Variants in HECTD4 observed in about 807,000 individuals in gnomAD.
The protein encoded by HECTD4 is probable E3 ubiquitin-protein ligase HECTD4.
Under a neutral mutation model 471.5 loss-of-function variants are expected in HECTD4, and 114 were observed. That is an observed-to-expected ratio of 0.24 (90% CI 0.21 to 0.28). The LOEUF is 0.28. HECTD4 is among the 10% of genes least tolerant of loss of function. The probability of loss-of-function intolerance (pLI) is 1.00; values close to 1 mark genes in which losing one functional copy is unlikely to be tolerated. For synonymous variants in HECTD4, 2,012 were observed against 2,256.0 expected (o/e 0.89, Z 3.07); for missense variants, 3,866 against 5,651.5 (o/e 0.68, Z 10.13).
chr12:112,211,636 T>C (rs1593934597), intron 49 of HECTD4, among the ~76,000 whole-genome samples: 1 of 149,136 alleles, frequency 6.7e-6, no homozygotes, highest in Non-Finnish European at 1.5e-5. Flanking sequence ...CAGGGCCGGG[T>C]TGTTGATGGA....
chr12:112,240,163 A>G (rs1593965419), intron 32 of HECTD4, 136 bp from the exon 33 acceptor site: 6 of 912,566 alleles, frequency 6.6e-6, no homozygotes, highest in East Asian at 2.5e-5. Context: ...CATCCAGCTC[A>G]GTGTTTCCTA....
chr12:112,374,439 G>A (rs1295775580), intron 1 of HECTD4, among the ~76,000 whole-genome samples: 1 of 152,198 alleles, frequency 6.6e-6, no homozygotes, highest in Non-Finnish European at 1.5e-5. Flanking sequence ...TTAACTTCAA[G>A]GCAATACTGT....
chr12:112,254,214 A>G (rs780214630), intron 21 of HECTD4, 52 bp from the exon 22 acceptor site: 54 of 1,593,178 alleles, frequency 3.4e-5, no homozygotes, highest in Non-Finnish European at 4.3e-5. Context: ...CAAAAACAAC[A>G]TCTACAAATA....
intron 1 of HECTD4, among the ~76,000 whole-genome samples, chr12:112,347,455 A>C (rs1452767682): frequency 1.3e-5 from 2 of 152,200 alleles, no homozygotes; most frequent in African/African-American, 2.4e-5. Context: ...GGTTGCAGTG[A>C]GCCAAGATTG....
chr12:112,212,788 GTTATTTATTTAT>G (rs150125929), intron 48 of HECTD4, 138 bp from the exon 49 acceptor site: 10 of 610,518 alleles, frequency 1.6e-5, no homozygotes, highest in Admixed American at 3.8e-5. Context: ...TGAAGTTATT[GTTATTTATTTAT>G]TTATTTATTT....
chr12:112,265,410 G>T (rs2034246815), intron 15 of HECTD4, 115 bp from the exon 16 acceptor site: 7 of 668,822 alleles, frequency 1.0e-5, no homozygotes, highest in Non-Finnish European at 1.4e-5. Flanking sequence ...TGATTCTTAA[G>T]CAAATCACCT....
At chr12:112,171,398 A>C in intron 67 of HECTD4, 135 bp from the exon 68 acceptor site, 1 of 1,407,032 alleles carries the variant, frequency 7.1e-7, no homozygotes, top group Non-Finnish European at 9.6e-7. Flanking sequence ...AGATGCTGTC[A>C]GTGAGTGAGC....
intron 20 of HECTD4, among the ~76,000 whole-genome samples, chr12:112,258,190 GAA>G (rs71920161): frequency 1.6e-4 from 20 of 128,268 alleles, no homozygotes; most frequent in East Asian, 2.0e-4. Context: ...CTCCATCTCA[GAA>G]AAAAAAAAAA....
At chr12:112,375,237 T>C (rs1369625216) in intron 1 of HECTD4, among the ~76,000 whole-genome samples, 1 of 152,256 alleles carries the variant, frequency 6.6e-6, no homozygotes, top group Admixed American at 6.5e-5. Flanking sequence ...CATTCGTTTT[T>C]GTTGCTGAGT....
rs774465684 is a variant in HECTD4 at position 112,185,211 on chromosome 12, G to A, written c.9755C>T (p.Thr3252Met). 2.3e-5 allele frequency: 36 copies of A among 1,551,308 alleles called. No homozygotes were observed. The highest frequency in any genetic ancestry group is 2.9e-5 in the Non-Finnish European group (33 of 1,147,038). The part of the protein sequence containing the change: ...AAAGDQGRFS[T>M]YFHALMEGCL... ...CCCTTCCATGAGTGCATGAAAATACGTAGAGAACCTGCCCTGGTCACCGGC... is the reference window on the plus strand; with the variant it reads ...CCCTTCCATGAGTGCATGAAAATACATAGAGAACCTGCCCTGGTCACCGGC... The change falls in exon 61 of 76, where the codon ACG becomes ATG. Residue 3252 changes from threonine to methionine, a missense_variant. Around this residue, in one of 16 missense-constraint regions of HECTD4, gnomAD observed 364 missense variants for 413.2 expected, o/e 0.88. Coordinates refer to ENST00000682272, the MANE Select transcript of HECTD4 (RefSeq NM_001388303.1).
intron 1 of HECTD4, among the ~76,000 whole-genome samples, chr12:112,378,256 T>C (rs181784268): frequency 1.3e-5 from 2 of 152,278 alleles, no homozygotes; most frequent in Admixed American, 1.3e-4. Flanking sequence ...TCTCGCTATG[T>C]TGCCCAGGCT....
At chr12:112,264,408 C>T (rs540532766) in intron 16 of HECTD4, among the ~76,000 whole-genome samples, 196 bp from the exon 17 acceptor site, 2 of 152,232 alleles carry the variant, frequency 1.3e-5, no homozygotes, top group East Asian at 3.9e-4. Context: ...TAACTTTCTG[C>T]CTTTTGGTAC....
chr12:112,296,538 G>A (rs1379645555), intron 7 of HECTD4, among the ~76,000 whole-genome samples: 5 of 151,360 alleles, frequency 3.3e-5, no homozygotes, highest in African/African-American at 7.3e-5. Flanking sequence ...GTGGATGTAG[G>A]TGCATTGGAC....
intron 15 of HECTD4, among the ~76,000 whole-genome samples, chr12:112,265,574 T>G (rs2034250007): frequency 2.0e-5 from 3 of 152,204 alleles, no homozygotes; most frequent in Non-Finnish European, 4.4e-5. Context: ...TCAGCCTTTC[T>G]CATAAACCAG....
In HECTD4 at chr12:112,270,413, G is replaced by A. The variant is rs1045753377; in HGVS notation, c.1989C>T (p.His663=). The A allele has an allele frequency of 5.0e-6, 8 of 1,613,906 alleles. No individual in the cohort carries two copies. Among genetic ancestry groups the A allele is most frequent in the South Asian group, 3.3e-5 (3 of 91,094 alleles). The change falls in exon 12 of 76, where the codon CAC becomes CAT. Residue 663 remains histidine (H), a synonymous_variant. Transcript: ENST00000682272. ...GTTGGTGTATGCACATCGCACCAAC[G>A]TGGTGCAATAATTGGTTTATAACCT... ...TNEVINQLLH[H]VGAMCIHQLN... is the part of the protein sequence containing the mutation.
chr12:112,267,651 A>G (rs1292072754), intron 13 of HECTD4, among the ~76,000 whole-genome samples: 1 of 152,228 alleles, frequency 6.6e-6, no homozygotes, highest in Non-Finnish European at 1.5e-5. Flanking sequence ...ATGAAAAGTC[A>G]ATGTAGTCAA....
intron 19 of HECTD4, 156 bp from the exon 20 acceptor site, chr12:112,258,752 A>T: frequency 1.7e-6 from 1 of 598,740 alleles, no homozygotes; most frequent in South Asian, 2.4e-5. Flanking sequence ...ACCACTTAAC[A>T]TTATTTTACT....
chr12:112,379,840 CAA>C (rs891998344), intron 1 of HECTD4, among the ~76,000 whole-genome samples: 1 of 151,140 alleles, frequency 6.6e-6, no homozygotes, highest in Non-Finnish European at 1.5e-5. Context: ...AAGAATGAAA[CAA>C]GTTATTCACT....
intron 72 of HECTD4, 77 bp downstream of exon 72, chr12:112,167,240 G>T: frequency 7.7e-7 from 1 of 1,302,486 alleles, no homozygotes; most frequent in African/African-American, 1.5e-5. Flanking sequence ...GGGAGCTCGG[G>T]TCTGCATGGA....
Sources: allele counts gnomAD v4.1 joint callset (sites outside exome capture counted in the v4.1 genomes callset), GRCh38; gene constraint gnomAD v4.1.1; regional missense constraint gnomAD v4.1.1; transcripts MANE v1.5; gene names NCBI Gene and HGNC (gene_info 2026-07-23, HGNC 2026-07-21).